CACNB2: variants seen among roughly 807,000 people sequenced by gnomAD.
The protein encoded by CACNB2 is voltage-dependent L-type calcium channel subunit beta-2.
A neutral mutation model predicts 73.3 loss-of-function variants in CACNB2; 42 were observed. The observed-to-expected ratio is 0.57, with a 90% confidence interval of 0.45 to 0.74. CACNB2 has a LOEUF of 0.74. Among genes scored for constraint, CACNB2 ranks in the 30% least tolerant of loss-of-function variants. The pLI, the probability that CACNB2 is intolerant of heterozygous loss-of-function variation, is 0.00. For synonymous variants in CACNB2, 348 were observed against 310.3 expected (o/e 1.12, Z -1.28); for missense variants, 940 against 853.0 (o/e 1.10, Z -1.27).
rs573380798 is a variant in CACNB2 at position 18,441,560 on chromosome 10, G to A, written c.333+39517G>A. Reference sequence around the variant, plus strand: ...TTTTCTTTTTTTTGCTGGCTTTACTGAGGTATAATTGACAAATAAAAATTG... The same window carrying A: ...TTTTCTTTTTTTTGCTGGCTTTACTAAGGTATAATTGACAAATAAAAATTG... On this transcript the variant is annotated intron_variant, in intron 3 of 13. Coordinates refer to ENST00000324631, the MANE Select transcript of CACNB2 (RefSeq NM_201596.3). Among the ~76,000 whole-genome samples the A allele has an allele frequency of 2.7e-4, 41 of 151,736 alleles. 1 individual carries two copies. Among genetic ancestry groups the A allele is most frequent in the Non-Finnish European group, 2.2e-4 (15 of 67,988 alleles).
At chr10:18,492,441 CA>C (rs1316164084) in intron 3 of CACNB2, among the ~76,000 whole-genome samples, 4 of 151,892 alleles carry the variant, frequency 2.6e-5, no homozygotes, top group African/African-American at 9.7e-5. Flanking sequence ...GCCAACACGG[CA>C]AAACCCCGTC....
At chr10:18,236,339 G>T (rs983264157) in intron 2 of CACNB2, among the ~76,000 whole-genome samples, 5 of 152,202 alleles carry the variant, frequency 3.3e-5, no homozygotes, top group African/African-American at 1.2e-4. Context: ...CTCCAAAATG[G>T]CAGGAAAGGG....
intron 2 of CACNB2, among the ~76,000 whole-genome samples, chr10:18,200,157 A>G (rs754230548): frequency 2.6e-5 from 4 of 152,182 alleles, no homozygotes; most frequent in Non-Finnish European, 5.9e-5. Context: ...AACATTGTTT[A>G]AAAATACTAA....
intron 2 of CACNB2, among the ~76,000 whole-genome samples, chr10:18,186,201 C>G (rs1283397370): frequency 6.6e-6 from 1 of 152,038 alleles, no homozygotes; most frequent in Non-Finnish European, 1.5e-5. Flanking sequence ...GGGCGGATCA[C>G]CTGAGGTCAG....
At chr10:18,379,893 C>A (rs1356669349) in intron 2 of CACNB2, among the ~76,000 whole-genome samples, 1 of 152,006 alleles carries the variant, frequency 6.6e-6, no homozygotes, top group Non-Finnish European at 1.5e-5. Flanking sequence ...CACCATGTTA[C>A]ACAGGCTGGT....
At chr10:18,315,337 CAA>C (rs1264179770) in intron 2 of CACNB2, among the ~76,000 whole-genome samples, 1 of 37,472 alleles carries the variant, frequency 2.7e-5, no homozygotes, top group Non-Finnish European at 7.2e-5. Context: ...CTGTCAAAAA[CAA>C]AACAAAACAA....
chr10:18,383,427 G>A (rs900420563), intron 2 of CACNB2, among the ~76,000 whole-genome samples: 2 of 152,200 alleles, frequency 1.3e-5, no homozygotes, highest in African/African-American at 4.8e-5. Context: ...CGCAGTACAG[G>A]TGAGTGACTT....
At position 18,206,866 on chromosome 10, in the gene CACNB2, G is replaced by A. The variant is rs574976380; in HGVS notation, c.213+55891G>A. 3 of 152,268 alleles carry A rather than the reference G, an allele frequency of 2.0e-5. No individual in the cohort carries two copies. In the South Asian group the frequency reaches 6.2e-4, roughly 32 times the overall value. The allele number at this position is 152,268 out of a possible 1,614,324, so 9.4% of individuals were successfully genotyped here. Reference sequence around the variant, plus strand: ...AAGTTTTAAGTCCACTGTTGGGGAGGGATTGGTGCAGTAGTTCCCAATTAT... The same window carrying A: ...AAGTTTTAAGTCCACTGTTGGGGAGAGATTGGTGCAGTAGTTCCCAATTAT... On this transcript the variant is annotated intron_variant, in intron 2 of 13. Coordinates refer to ENST00000324631, the MANE Select transcript of CACNB2 (RefSeq NM_201596.3).
intron 2 of CACNB2, among the ~76,000 whole-genome samples, chr10:18,178,647 T>C (rs745571607): frequency 9.2e-5 from 14 of 152,222 alleles, no homozygotes; most frequent in Non-Finnish European, 1.5e-4. Flanking sequence ...GAAACATCTT[T>C]GGGTAAAAGC....
chr10:18,321,019 T>G (rs1194838465), intron 2 of CACNB2, among the ~76,000 whole-genome samples: 1 of 152,212 alleles, frequency 6.6e-6, no homozygotes, highest in African/African-American at 2.4e-5. Flanking sequence ...AGGCAACTAT[T>G]AGTAAATCCT....
chr10:18,533,547 G>A (rs1054369438), intron 10 of CACNB2, among the ~76,000 whole-genome samples: 1 of 152,030 alleles, frequency 6.6e-6, no homozygotes, highest in Admixed American at 6.6e-5. Context: ...GAAAATATGA[G>A]GTGTGTTTTT....
chr10:18,220,160 C>CAGACAG (rs1554772295), intron 2 of CACNB2, among the ~76,000 whole-genome samples: 1 of 78,506 alleles, frequency 1.3e-5, no homozygotes, highest in African/African-American at 7.3e-5. Flanking sequence ...TATATACACA[C>CAGACAG]ACACACACAC....
In CACNB2 at chr10:18,478,026, G is replaced by T. The variant is rs183030739; in HGVS notation, c.334-20329G>T. On this transcript the variant is annotated intron_variant, in intron 3 of 13. Transcript: ENST00000324631. ...CTCGGCTCACTGGAAGCACCTCCTG[G>T]GTTCAAGTGATTCTCCTGCCTCAGC... 9.1e-4 allele frequency among the ~76,000 whole-genome samples: 139 copies of T among 152,236 alleles called. 1 individual carries two copies. The highest frequency in any genetic ancestry group is 3.3e-3 in the African/African-American group (137 of 41,558).
At chr10:18,264,809 TC>T (rs1170216695) in intron 2 of CACNB2, among the ~76,000 whole-genome samples, 1 of 152,196 alleles carries the variant, frequency 6.6e-6, no homozygotes, top group East Asian at 1.9e-4. Flanking sequence ...TTTGGGGCTA[TC>T]ATAAATAGTG....
chr10:18,221,645 C>T lies in CACNB2; in HGVS notation c.213+70670C>T, dbSNP rs201411365. 2.0e-5 allele frequency among the ~76,000 whole-genome samples: 3 copies of T among 152,318 alleles called. No individual in the cohort carries two copies. In the East Asian group the frequency reaches 5.8e-4, roughly 29 times the overall value. ...AGTGAGCTGAGATTGCGCCACTGCA[C>T]TCCAGCCTGGGCAACAGAGCGAGAC... On this transcript the variant is annotated intron_variant, in intron 2 of 13. Transcript: ENST00000324631.
chr10:18,230,853 T>A (rs2131446663), intron 2 of CACNB2, among the ~76,000 whole-genome samples: 1 of 152,064 alleles, frequency 6.6e-6, no homozygotes, highest in African/African-American at 2.4e-5. Flanking sequence ...CTTTTTTTTT[T>A]TTGGTAGCTT....
chr10:18,415,407 A>G (rs1053956456), intron 3 of CACNB2, among the ~76,000 whole-genome samples: 1 of 152,030 alleles, frequency 6.6e-6, no homozygotes, highest in Non-Finnish European at 1.5e-5. Context: ...TAGAAGCCAC[A>G]ATAAGCTATA....
At chr10:18,302,419 C>T (rs1383803984) in intron 2 of CACNB2, among the ~76,000 whole-genome samples, 3 of 152,072 alleles carry the variant, frequency 2.0e-5, no homozygotes, top group Non-Finnish European at 2.9e-5. Context: ...CAGCAGAATT[C>T]GCAATTGCAA....
intron 3 of CACNB2, among the ~76,000 whole-genome samples, chr10:18,450,153 G>C (rs1175956585): frequency 6.6e-6 from 1 of 152,158 alleles, no homozygotes; most frequent in East Asian, 1.9e-4. Flanking sequence ...GTTCCAACCA[G>C]CTTAAAGAAT....
Sources: allele counts gnomAD v4.1 joint callset (sites outside exome capture counted in the v4.1 genomes callset), GRCh38; gene constraint gnomAD v4.1.1; transcripts MANE v1.5; gene names NCBI Gene and HGNC (gene_info 2026-07-23, HGNC 2026-07-21).